KCNIP4: variants seen among roughly 807,000 people sequenced by gnomAD.
KCNIP4 encodes the protein Kv channel-interacting protein 4.
KCNIP4 carries 12 observed loss-of-function variants against 34.0 expected under a neutral mutation model. That is an observed-to-expected ratio of 0.35 (90% CI 0.23 to 0.57). The LOEUF is 0.57. KCNIP4 is among the 20% of genes least tolerant of loss of function. KCNIP4 has a pLI of 0.83. For synonymous variants in KCNIP4, 124 were observed against 102.2 expected (o/e 1.21, Z -1.29); for missense variants, 238 against 311.7 (o/e 0.76, Z 1.78).
chr4:21,491,668 T>C (rs986256811), intron 1 of KCNIP4, among the ~76,000 whole-genome samples: 1 of 152,144 alleles, frequency 6.6e-6, no homozygotes, highest in African/African-American at 2.4e-5. Flanking sequence ...CCACCACACC[T>C]GGCCTGAAAT....
chr4:21,807,032 C>A (rs1386983319), intron 1 of KCNIP4, among the ~76,000 whole-genome samples: 1 of 151,992 alleles, frequency 6.6e-6, no homozygotes, highest in Non-Finnish European at 1.5e-5. Flanking sequence ...GATGGTCCCA[C>A]CTTGAGGTGA....
intron 3 of KCNIP4, among the ~76,000 whole-genome samples, chr4:20,787,665 T>C (rs1712190035): frequency 6.6e-6 from 1 of 152,150 alleles, no homozygotes; most frequent in Non-Finnish European, 1.5e-5. Flanking sequence ...CAATAACCAT[T>C]GTTCACAATT....
intron 1 of KCNIP4, among the ~76,000 whole-genome samples, chr4:21,260,495 AG>A (rs1761401247): frequency 6.6e-6 from 1 of 152,174 alleles, no homozygotes; most frequent in South Asian, 2.1e-4. Context: ...ACTTGGATGT[AG>A]GGCTTGAGAT....
chr4:21,370,184 A>T (rs1017266688), intron 1 of KCNIP4, among the ~76,000 whole-genome samples: 3 of 147,436 alleles, frequency 2.0e-5, no homozygotes, highest in African/African-American at 8.1e-5. Context: ...GCTACATTTT[A>T]AAAGATTACC....
At chr4:21,846,638 A>G (rs1006073069) in intron 1 of KCNIP4, 3 of 152,122 alleles carry the variant, frequency 2.0e-5, no homozygotes, top group Admixed American at 2.0e-4. Context: ...TGACTGATTT[A>G]CAGTGACCAG....
chr4:21,396,758 T>C (rs1397107590), intron 1 of KCNIP4, among the ~76,000 whole-genome samples: 2 of 151,978 alleles, frequency 1.3e-5, no homozygotes, highest in African/African-American at 4.8e-5. Context: ...GAAAGCAGTG[T>C]TGGAGTAATG....
intron 1 of KCNIP4, among the ~76,000 whole-genome samples, chr4:21,238,312 A>G (rs1759530988): frequency 6.6e-6 from 1 of 152,156 alleles, no homozygotes; most frequent in Non-Finnish European, 1.5e-5. Flanking sequence ...CCCTTTGAAA[A>G]CTGGCACAAG....
chr4:21,946,477 G>A, intron 1 of KCNIP4, among the ~76,000 whole-genome samples: 1 of 152,178 alleles, frequency 6.6e-6, no homozygotes, highest in East Asian at 1.9e-4. Flanking sequence ...GGAAGACAGA[G>A]TTTAAGCCTT....
rs1003495318 is a variant in KCNIP4, at chr4:21,105,074, G to A, written c.62-222365C>T. Among the ~76,000 whole-genome samples the A allele has an allele frequency of 5.3e-5, 8 of 151,704 alleles. 1 individual carries two copies. The highest frequency in any genetic ancestry group is 2.0e-4 in the African/African-American group (8 of 40,976). On this transcript the variant is annotated intron_variant, in intron 1 of 8. Coordinates refer to ENST00000382152, the MANE Select transcript of KCNIP4 (RefSeq NM_025221.6). ...TTTGGCTTAGGATTGACTTGGCAAT[G>A]TGGTCTCTTTTTTGGTTCCATATGA...
At chr4:20,813,965 A>C (rs981588224) in intron 3 of KCNIP4, among the ~76,000 whole-genome samples, 5 of 152,212 alleles carry the variant, frequency 3.3e-5, no homozygotes, top group African/African-American at 9.6e-5. Context: ...AGGACTGGGT[A>C]GAAAGCCAAA....
intron 1 of KCNIP4, among the ~76,000 whole-genome samples, chr4:21,255,361 T>C (rs1032889582): frequency 6.6e-6 from 1 of 152,174 alleles, no homozygotes; most frequent in Non-Finnish European, 1.5e-5. Flanking sequence ...ATCTTATACC[T>C]ATCCTTTGTA....
chr4:21,765,968 T>C (rs1718392543), intron 1 of KCNIP4, among the ~76,000 whole-genome samples: 1 of 151,976 alleles, frequency 6.6e-6, no homozygotes, highest in South Asian at 2.1e-4. Context: ...AAAGGAGCCA[T>C]CTGCAATAGC....
rs560507063 is a variant in KCNIP4, at chr4:21,512,724, T to C, written c.61+435847A>G. On this transcript the variant is annotated intron_variant, in intron 1 of 8. Coordinates refer to ENST00000382152, the MANE Select transcript of KCNIP4 (RefSeq NM_025221.6). ...CAAGCATCTTATGTTTGCTGTAAGA[T>C]ATGCATTGGCTTAGCTGAAGTTCCC... is the stretch of plus-strand genomic sequence containing the variant. Among the ~76,000 whole-genome samples the C allele has an allele frequency of 3.9e-5, 6 of 152,314 alleles. No individual in the cohort carries two copies. The South Asian group carries it at 1.0e-3, about 26-fold the overall frequency.
At chr4:21,928,535 C>T (rs1028672092) in intron 1 of KCNIP4, among the ~76,000 whole-genome samples, 2 of 152,006 alleles carry the variant, frequency 1.3e-5, no homozygotes, top group African/African-American at 4.8e-5. Context: ...GCTAAAAGAA[C>T]ATATAAATTA....
chr4:21,169,898 T>G (rs1374830074), intron 1 of KCNIP4, among the ~76,000 whole-genome samples: 1 of 152,166 alleles, frequency 6.6e-6, no homozygotes, highest in Non-Finnish European at 1.5e-5. Context: ...ATAATTTCTT[T>G]TCTCTTAAGC....
intron 1 of KCNIP4, among the ~76,000 whole-genome samples, chr4:21,735,325 T>A (rs1715912005): frequency 6.6e-6 from 1 of 152,110 alleles, no homozygotes; most frequent in African/African-American, 2.4e-5. Flanking sequence ...TTATTAAAAA[T>A]TAAATTGGAT....
At chr4:21,765,834 A>AAAAAAAC (rs1718379120) in intron 1 of KCNIP4, among the ~76,000 whole-genome samples, 1 of 151,436 alleles carries the variant, frequency 6.6e-6, no homozygotes, top group Non-Finnish European at 1.5e-5. Context: ...AAAAAAAAAA[A>AAAAAAAC]AAAAACAAAC....
chr4:20,824,387 A>G (rs1442395882), intron 3 of KCNIP4, among the ~76,000 whole-genome samples: 1 of 152,216 alleles, frequency 6.6e-6, no homozygotes, highest in African/African-American at 2.4e-5. Context: ...AAAATTAAAA[A>G]TGTGATTCTT....
At chr4:21,643,195 C>T (rs1394136118) in intron 1 of KCNIP4, among the ~76,000 whole-genome samples, 1 of 152,152 alleles carries the variant, frequency 6.6e-6, no homozygotes, top group African/African-American at 2.4e-5. Context: ...TCTTCCCTCT[C>T]TTTTCCCCTT....
Sources: allele counts gnomAD v4.1 joint callset (sites outside exome capture counted in the v4.1 genomes callset), GRCh38; gene constraint gnomAD v4.1.1; transcripts MANE v1.5; gene names NCBI Gene and HGNC (gene_info 2026-07-23, HGNC 2026-07-21).